Variants in PHF3 observed in about 807,000 individuals in gnomAD.
The protein encoded by PHF3 is PHD finger protein 3.
Under a neutral mutation model 178.4 loss-of-function variants are expected in PHF3, and 41 were observed. That is an observed-to-expected ratio of 0.23 (90% CI 0.18 to 0.30). The LOEUF is 0.30. Ranked by LOEUF, PHF3 falls within the 10% of genes least tolerant of loss-of-function variation. The pLI is 1.00. For synonymous variants in PHF3, 842 were observed against 800.5 expected (o/e 1.05, Z -0.88); for missense variants, 2,346 against 2,398.1 (o/e 0.98, Z 0.45).
Position 63,706,051 on chromosome 6 carries a change from T to C in PHF3, c.3390T>C (p.Asp1130=), listed in dbSNP as rs374236335. ...ICIGRMAPPV[D]DLSPKKVKVV... Reference sequence around the variant, plus strand: ...TAGGTCGAATGGCACCACCTGTAGATGATCTTTCTCCAAAAAAAGTAAAAG... The same window carrying C: ...TAGGTCGAATGGCACCACCTGTAGACGATCTTTCTCCAAAAAAAGTAAAAG... Residue 1130 remains aspartate (D), a synonymous_variant, in exon 12 of 16, where the codon GAT becomes GAC. Coordinates refer to ENST00000262043, the MANE Select transcript of PHF3 (RefSeq NM_001370348.2). 3 of 1,613,322 alleles carry C rather than the reference T, an allele frequency of 1.9e-6. No homozygotes were observed. Among genetic ancestry groups the C allele is most frequent in the South Asian group, 2.2e-5 (2 of 91,044 alleles).
chr6:63,687,039 A>G (rs976272759), intron 4 of PHF3, among the ~76,000 whole-genome samples: 4 of 152,202 alleles, frequency 2.6e-5, no homozygotes, highest in African/African-American at 9.7e-5. Context: ...AATATATTCC[A>G]GTTTTTAAAA....
intron 1 of PHF3, among the ~76,000 whole-genome samples, chr6:63,638,859 C>T (rs933207199): frequency 6.6e-6 from 1 of 152,008 alleles, no homozygotes; most frequent in African/African-American, 2.4e-5. Context: ...TTTGAGAACA[C>T]AGTCAAAAAA....
In PHF3 at chr6:63,721,262, G is replaced by C; in HGVS notation, c.*7554G>C. The C allele has an allele frequency of 6.4e-7, 1 of 1,551,856 alleles. No individual in the cohort carries two copies. Among genetic ancestry groups the C allele is most frequent in the South Asian group, 1.2e-5 (1 of 84,054 alleles). On this transcript the variant is annotated 3_prime_UTR_variant, in exon 16 of 16. Coordinates refer to ENST00000262043, the MANE Select transcript of PHF3 (RefSeq NM_001370348.2). ...ATTGGTCAGGTATACATAAAGATTG[G>C]TGGAGGCAAAGATTATTCAAACAGG...
chr6:63,718,780 T>C lies in PHF3; in HGVS notation c.*5072T>C, dbSNP rs1047473242. On this transcript the variant is annotated 3_prime_UTR_variant, in exon 16 of 16. Coordinates refer to ENST00000262043, the MANE Select transcript of PHF3 (RefSeq NM_001370348.2). The stretch of plus-strand genomic sequence containing the variant: ...TTATGAGAGAACACATGGCCGAATA[T>C]GATGGGAGTGTGGTTCAGGCAGTTT... Among the ~76,000 whole-genome samples, 1 of 152,048 alleles carries C rather than the reference T, an allele frequency of 6.6e-6. No individual in the cohort carries two copies. Among genetic ancestry groups the C allele is most frequent in the Admixed American group, 6.6e-5 (1 of 15,224 alleles).
chr6:63,705,346 C>T (rs964493571), intron 11 of PHF3, among the ~76,000 whole-genome samples: 2 of 152,200 alleles, frequency 1.3e-5, no homozygotes, highest in African/African-American at 4.8e-5. Flanking sequence ...ACCCCCGGGC[C>T]ACAAACCTGT....
chr6:63,708,895 A>G (rs1212157182), intron 13 of PHF3, among the ~76,000 whole-genome samples: 2 of 152,140 alleles, frequency 1.3e-5, no homozygotes, highest in Admixed American at 6.5e-5. Context: ...CCCATCTTTC[A>G]TAGTGAGATT....
At position 63,711,150 on chromosome 6, in the gene PHF3, G is replaced by A. The variant is rs1393958790; in HGVS notation, c.3802-17G>A. The A allele has an allele frequency of 6.4e-7, 1 of 1,552,562 alleles. No individual in the cohort carries two copies. The highest frequency in any genetic ancestry group is 1.2e-5 in the South Asian group (1 of 83,070). ...AGCTTATTACCTTAAACAATTATTT[G>A]TTATTTTCTTGAACAGGAAATTTGT... On this transcript the variant is annotated splice_polypyrimidine_tract_variant and intron_variant, in intron 14 of 15. Coordinates refer to ENST00000262043, the MANE Select transcript of PHF3 (RefSeq NM_001370348.2).
At chr6:63,672,221 CAT>C (rs1194406427) in intron 2 of PHF3, among the ~76,000 whole-genome samples, 2 of 152,170 alleles carry the variant, frequency 1.3e-5, no homozygotes, top group South Asian at 2.1e-4. Flanking sequence ...ATAACTTTCT[CAT>C]GTGCTATTGC....
At chr6:63,681,777 A>G (rs1364043024) in intron 3 of PHF3, among the ~76,000 whole-genome samples, 2 of 152,078 alleles carry the variant, frequency 1.3e-5, no homozygotes, top group Non-Finnish European at 2.9e-5. Context: ...TTTGGCCTCC[A>G]TCTTTCCTAG....
In PHF3 at chr6:63,691,891, C is replaced by G. The variant is rs1767018481; in HGVS notation, c.2344C>G (p.Pro782Ala). Residue 782 changes from proline (P) to alanine (A), a missense_variant, in exon 5 of 16, where the codon CCA becomes GCA. Transcript: ENST00000262043. ...EEDKKTEILD[P>A]DTLENQATVE... ...AGACAAAAAGACTGAAATACTAGATCCAGATACTTTGGAAAACCAAGCTAC... is the reference window on the plus strand; with the variant it reads ...AGACAAAAAGACTGAAATACTAGATGCAGATACTTTGGAAAACCAAGCTAC... 2 of 1,613,480 alleles carry G rather than the reference C, an allele frequency of 1.2e-6. No homozygotes were observed. The highest frequency in any genetic ancestry group is 2.2e-5 in the East Asian group (1 of 44,840).
chr6:63,693,826 C>T (rs558893115), intron 5 of PHF3, among the ~76,000 whole-genome samples: 18 of 152,122 alleles, frequency 1.2e-4, no homozygotes, highest in African/African-American at 4.3e-4. Flanking sequence ...TTTTCTTATC[C>T]CTAGATTTTT....
chr6:63,647,911 C>G (rs1009594906), intron 2 of PHF3, among the ~76,000 whole-genome samples: 1 of 152,086 alleles, frequency 6.6e-6, no homozygotes, highest in Non-Finnish European at 1.5e-5. Context: ...GTTTGTTTTT[C>G]ATTGACTAGA....
intron 2 of PHF3, among the ~76,000 whole-genome samples, chr6:63,653,555 T>G (rs1184895347): frequency 6.6e-6 from 1 of 152,206 alleles, no homozygotes; most frequent in Non-Finnish European, 1.5e-5. Context: ...ACAAGTTTAA[T>G]GAATTTGTTT....
At chr6:63,641,418 C>T (rs1307010830) in intron 1 of PHF3, among the ~76,000 whole-genome samples, 2 of 152,054 alleles carry the variant, frequency 1.3e-5, no homozygotes, top group South Asian at 2.1e-4. Context: ...ACACCACCCC[C>T]CTACACACAC....
chr6:63,680,144 C>G lies in PHF3; in HGVS notation c.389C>G (p.Pro130Arg). 1.2e-6 allele frequency: 2 copies of G among 1,607,982 alleles called. No homozygotes were observed. The highest frequency in any genetic ancestry group is 1.7e-6 in the Non-Finnish European group (2 of 1,177,462). Reference protein sequence around the residue: ...ENSVRSPRKSPRLMAQEQVRS... With the variant: ...ENSVRSPRKSRRLMAQEQVRS... ...TCAGTGAGATCTCCAAGAAAATCAC[C>G]TCGTTTAATGGCACAAGGTAATCCT... is the stretch of plus-strand genomic sequence containing the variant. Residue 130 changes from proline to arginine, a missense_variant, in exon 3 of 16, where the codon CCT becomes CGT. This residue lies in a region of PHF3 where 843 missense variants were observed against 795.2 expected (regional missense o/e 1.06). Transcript: ENST00000262043.
At chr6:63,682,605 A>C (rs1766487178) in intron 3 of PHF3, among the ~76,000 whole-genome samples, 1 of 152,260 alleles carries the variant, frequency 6.6e-6, no homozygotes, top group African/African-American at 2.4e-5. Context: ...TTTCAAAATC[A>C]GTTATTTGGT....
At chr6:63,696,796 G>A (rs897584049) in intron 6 of PHF3, among the ~76,000 whole-genome samples, 1 of 152,118 alleles carries the variant, frequency 6.6e-6, no homozygotes, top group African/African-American at 2.4e-5. Context: ...AGATTGTTAA[G>A]TCTATGACTT....
chr6:63,697,611 AAGAG>A (rs1345304316), intron 6 of PHF3, among the ~76,000 whole-genome samples: 1 of 152,190 alleles, frequency 6.6e-6, no homozygotes, highest in Non-Finnish European at 1.5e-5. Context: ...ACATGTTTAA[AAGAG>A]AGAGAATAAA....
Position 63,712,242 on chromosome 6 carries a change from G to T in PHF3, c.4654G>T (p.Ala1552Ser). Residue 1552 changes from alanine (A) to serine (S), a missense_variant, in exon 16 of 16, where the codon GCA becomes TCA. Coordinates refer to ENST00000262043, the MANE Select transcript of PHF3 (RefSeq NM_001370348.2). ...AGTAGTAGGGTCCTCTTCCATTTCT[G>T]CAGGGTCTTTGACGAGTCTTAGTCT... ...TSVVGSSSIS[A>S]GSLTSLSLRG... 1.2e-6 allele frequency: 2 copies of T among 1,614,030 alleles called. No individual in the cohort carries two copies. Among genetic ancestry groups the T allele is most frequent in the Non-Finnish European group, 1.7e-6 (2 of 1,179,962 alleles).
Sources: allele counts gnomAD v4.1 joint callset (sites outside exome capture counted in the v4.1 genomes callset), GRCh38; gene constraint gnomAD v4.1.1; regional missense constraint gnomAD v4.1.1; transcripts MANE v1.5; gene names NCBI Gene and HGNC (gene_info 2026-07-23, HGNC 2026-07-21).